MROH2B: variants seen among roughly 807,000 people sequenced by gnomAD.
The protein encoded by MROH2B is maestro heat like repeat family member 2B, also known as maestro heat-like repeat-containing protein family member 2B.
In MROH2B, 177 loss-of-function variants were observed where a neutral mutation model predicts 208.6. The ratio of observed to expected loss-of-function variants is 0.85; its 90% confidence interval spans 0.75 to 0.96. The LOEUF (loss-of-function observed/expected upper bound fraction) is 0.96, where lower values mean the gene tolerates loss of function less well. Among genes scored for constraint, MROH2B ranks in the 40% least tolerant of loss-of-function variants. MROH2B has a pLI of 0.00. For synonymous variants in MROH2B, 728 were observed against 659.0 expected, an observed-to-expected ratio of 1.10 and a Z score of -1.60; for missense variants, 2,002 against 1,878.7, an observed-to-expected ratio of 1.07 and a Z score of -1.21.
intron 17 of MROH2B, 142 bp from the exon 18 acceptor site, chr5:41,045,995 C>T (rs966093368): frequency 9.4e-5 from 42 of 446,546 alleles, no homozygotes; most frequent in Middle Eastern, 6.4e-4. Flanking sequence ...CTAATTCCTT[C>T]GAAACTTTCC....
rs541515106 is a variant in MROH2B, at chr5:41,015,252, A to C, written c.2982+129T>G. 6.8e-6 allele frequency: 5 copies of C among 738,996 alleles called. No individual in the cohort carries two copies. The Admixed American group carries it at 1.4e-4, about 21-fold the overall frequency. 45.8% of individuals were successfully genotyped at this position (738,996 alleles called of 1,614,324 possible). On this transcript the variant is annotated intron_variant, in intron 29 of 41. Transcript: ENST00000399564. ...CTAGGCATGTGTACTCTAAGTTAGA[A>C]AATGACAGGACCACGGGTCCCTCAT...
At chr5:41,049,027 T>A (rs1053878559) in intron 15 of MROH2B, 74 bp downstream of exon 15, 6 of 1,402,908 alleles carry the variant, frequency 4.3e-6, no homozygotes, top group Non-Finnish European at 4.9e-6. Context: ...TAATTTATAT[T>A]AGCACTTATT....
intron 24 of MROH2B, among the ~76,000 whole-genome samples, chr5:41,022,438 A>T (rs1480305094): frequency 2.0e-5 from 3 of 152,184 alleles, no homozygotes; most frequent in African/African-American, 7.2e-5. Flanking sequence ...ACACCCACGG[A>T]GCCTTGCTCA....
At chr5:41,055,339 T>C (rs2150178323) in intron 10 of MROH2B, among the ~76,000 whole-genome samples, 1 of 152,360 alleles carries the variant, frequency 6.6e-6, no homozygotes, top group African/African-American at 2.4e-5. Flanking sequence ...TTCAGTGTTA[T>C]GAAAATATGT....
Position 41,007,363 on chromosome 5 carries a change from G to C in MROH2B, c.3700C>G (p.Leu1234Val). The change falls in exon 34 of 42, where the codon CTA becomes GTA. Residue 1234 changes from leucine to valine, a missense_variant. Transcript: ENST00000399564. The stretch of plus-strand genomic sequence containing the variant: ...TGGTGGGTACTAGGACTGCTGAGTA[G>C]AGTCCATAAGTTGTCCCCCTCATCA... ...ESDEGDNLWTLLSSPSTHHIG... is the reference protein window; with the variant it reads ...ESDEGDNLWTVLSSPSTHHIG... 2 of 1,544,026 alleles carry C rather than the reference G, an allele frequency of 1.3e-6. No homozygotes were observed. Among genetic ancestry groups the C allele is most frequent in the Non-Finnish European group, 8.8e-7 (1 of 1,142,688 alleles).
intron 11 of MROH2B, 35 bp downstream of exon 11, chr5:41,054,732 C>A: frequency 6.8e-7 from 1 of 1,469,892 alleles, no homozygotes. Context: ...ATTCTTAAAG[C>A]TACCATCGAC....
At chr5:41,065,309 T>G in intron 4 of MROH2B, 22 bp downstream of exon 4, 1 of 1,591,566 alleles carries the variant, frequency 6.3e-7, no homozygotes. Context: ...CCAGGGAAAA[T>G]TGGAGAATAT....
chr5:41,022,802 C>T (rs1742199794), intron 24 of MROH2B, among the ~76,000 whole-genome samples: 1 of 152,192 alleles, frequency 6.6e-6, no homozygotes, highest in Non-Finnish European at 1.5e-5. Context: ...CCAGTGGTGG[C>T]AGACTGACAT....
chr5:41,017,714 A>G, intron 28 of MROH2B, 136 bp downstream of exon 28: 1 of 969,746 alleles, frequency 1.0e-6, no homozygotes, highest in Admixed American at 3.2e-5. Context: ...AGGAGAGGAG[A>G]AAAGGAGGAA....
intron 11 of MROH2B, among the ~76,000 whole-genome samples, chr5:41,053,817 A>G (rs371854130): frequency 6.6e-6 from 1 of 152,158 alleles, no homozygotes; most frequent in Non-Finnish European, 1.5e-5. Context: ...TTACTATTTT[A>G]AACATAGTCA....
chr5:41,007,368 C>T lies in MROH2B; in HGVS notation c.3695G>A (p.Trp1232Ter), dbSNP rs1181510194. Reference protein sequence around the residue: ...AKESDEGDNLWTLLSSPSTHH... With the variant: ...AKESDEGDNL ...GGTACTAGGACTGCTGAGTAGAGTC[C>T]ATAAGTTGTCCCCCTCATCAGATTC... is the stretch of plus-strand genomic sequence containing the variant. The change falls in exon 34 of 42, where the codon TGG (tryptophan) becomes TAG (stop). Residue 1232 changes from tryptophan to a stop codon, truncating the protein, a stop_gained. Transcript: ENST00000399564. LOFTEE classifies it high-confidence loss of function. 6.5e-7 allele frequency: 1 copy of T among 1,547,384 alleles called. No homozygotes were observed. Among genetic ancestry groups the T allele is most frequent in the Non-Finnish European group, 8.7e-7 (1 of 1,144,556 alleles).
chr5:41,019,118 T>C (rs1415858839), intron 24 of MROH2B, 100 bp from the exon 25 acceptor site: 1 of 1,445,830 alleles, frequency 6.9e-7, no homozygotes, highest in African/African-American at 1.4e-5. Flanking sequence ...ACCAGGCAAC[T>C]AACGTGTCAC....
intron 21 of MROH2B, 123 bp from the exon 22 acceptor site, chr5:41,033,987 C>A: frequency 6.9e-7 from 1 of 1,439,812 alleles, no homozygotes; most frequent in Non-Finnish European, 9.2e-7. Flanking sequence ...TAGAGCCTTG[C>A]CAAGGGGGGT....
intron 34 of MROH2B, among the ~76,000 whole-genome samples, chr5:41,006,997 AT>A (rs1029613301): frequency 1.4e-5 from 2 of 147,560 alleles, no homozygotes; most frequent in African/African-American, 5.0e-5. Context: ...AAAAAATAAA[AT>A]TTTTTTTAAA....
intron 19 of MROH2B, among the ~76,000 whole-genome samples, chr5:41,039,895 G>A (rs919683819): frequency 6.6e-6 from 1 of 152,170 alleles, no homozygotes; most frequent in African/African-American, 2.4e-5. Context: ...ATGGTCTCAC[G>A]GACAAGGTGA....
intron 40 of MROH2B, 39 bp downstream of exon 40, chr5:40,999,638 G>C: frequency 6.4e-7 from 1 of 1,551,500 alleles, no homozygotes; most frequent in Non-Finnish European, 8.8e-7. Context: ...GGTGGAAAAA[G>C]CAGACATATC....
At chr5:41,021,449 T>C (rs952644653) in intron 24 of MROH2B, among the ~76,000 whole-genome samples, 3 of 152,196 alleles carry the variant, frequency 2.0e-5, no homozygotes, top group Admixed American at 1.3e-4. Context: ...CATCCTAAAA[T>C]TCTTGTGAAA....
intron 24 of MROH2B, among the ~76,000 whole-genome samples, chr5:41,025,148 T>C (rs1742304137): frequency 6.6e-6 from 1 of 151,972 alleles, no homozygotes; most frequent in Admixed American, 6.6e-5. Flanking sequence ...AGCAAACACA[T>C]TCAAAAGCTC....
In MROH2B at chr5:41,032,808, T is replaced by C; in HGVS notation, c.2375A>G (p.Asp792Gly). 6.2e-7 allele frequency: 1 copy of C among 1,611,970 alleles called. No homozygotes were observed. Among genetic ancestry groups the C allele is most frequent in the Non-Finnish European group, 8.5e-7 (1 of 1,178,950 alleles). ...LIGYMLDFIR[D>G]EPLDSLASPI... ...GCTAGCTAAGGAATCCAGGGGCTCG[T>C]CTCTAATGAAGTCCTGAAACATAAA... The change falls in exon 24 of 42, where the codon GAC becomes GGC. Residue 792 changes from aspartate to glycine, a missense_variant. Physicochemically the swap from Asp to Gly is moderately conservative, Grantham distance 94. Transcript: ENST00000399564.
Sources: gnomAD v4.1 joint callset for allele counts (sites outside exome capture counted in the v4.1 genomes callset) on GRCh38, gnomAD v4.1.1 for gene constraint, MANE v1.5 for transcripts, NCBI Gene and HGNC (gene_info 2026-07-23, HGNC 2026-07-21) for gene names.